Variants in TASOR2 observed in about 807,000 individuals in gnomAD.
TASOR2 encodes the protein transcription activation suppressor family member 2, also known as protein TASOR 2.
TASOR2 carries 84 observed loss-of-function variants against 199.5 expected under a neutral mutation model. The observed-to-expected ratio is 0.42, with a 90% CI of 0.35 to 0.50. TASOR2 has a LOEUF of 0.50. Among genes scored for constraint, TASOR2 ranks in the 20% least tolerant of loss-of-function variants. The pLI, the probability that TASOR2 is intolerant of heterozygous loss-of-function variation, is 0.02. For synonymous variants in TASOR2, 1,103 were observed against 1,046.6 expected (o/e 1.05, Z -1.04); for missense variants, 2,796 against 2,835.9 (o/e 0.99, Z 0.32).
exon 15 of TASOR2, chr10:5,747,565 G>A: frequency 3.7e-6 from 6 of 1,614,184 alleles, no homozygotes; most frequent in Non-Finnish European, 5.1e-6. Context: ...TGAGATTGCA[G>A]AGGAAATTAA....
In TASOR2 at chr10:5,740,074, C is replaced by T. The variant is rs760335710; in HGVS notation, c.1904C>T (p.Thr635Ile). The stretch of plus-strand genomic sequence containing the variant: ...CCTGCTAAAGCCCAGTCAGCACTTA[C>T]TGAGGAAATGCTAGAATCTTCAGAT... The change falls in exon 13 of 21, where the codon ACT (threonine) becomes ATT (isoleucine). Residue 635 changes from threonine to isoleucine, a missense_variant. Transcript: ENST00000328090. The surrounding 1 kb of genome is among the most constrained non-coding windows in gnomAD (Gnocchi z 5.3). 2 of 1,614,058 alleles carry T rather than the reference C, an allele frequency of 1.2e-6. No homozygotes were observed. Among genetic ancestry groups the T allele is most frequent in the South Asian group, 2.2e-5 (2 of 91,080 alleles).
exon 11 of TASOR2, chr10:5,731,013 A>C (rs768932510): frequency 6.2e-6 from 10 of 1,614,012 alleles, no homozygotes; most frequent in Non-Finnish European, 7.6e-6. Context: ...GAGTTTTTCC[A>C]TTGAGTCCAG....
In TASOR2 at chr10:5,762,528, A is replaced by AAAGACAAGCCTACTATCCC; in HGVS notation, c.7175-4_7175-3insAAGACAAGCCTACTATCCC. The AAAGACAAGCCTACTATCCC allele has an allele frequency of 1.7e-6, 1 of 590,352 alleles. No individual in the cohort carries two copies. Among genetic ancestry groups the AAAGACAAGCCTACTATCCC allele is most frequent in the Non-Finnish European group, 2.5e-6 (1 of 401,802 alleles). The allele number at this position is 590,352 out of a possible 1,614,324, so 36.6% of individuals were successfully genotyped here. A position where few individuals can be genotyped will look rare whatever the true frequency, so the allele number is the denominator to read the frequency against. ...CAAAAGTTGTTTTTTTTTTTTTTTA[A>AAAGACAAGCCTACTATCCC]CAGACAAGCCTACTATCCCCAGAGA... On this transcript the variant is annotated splice_region_variant and splice_polypyrimidine_tract_variant and intron_variant, in intron 19 of 20. Coordinates refer to ENST00000328090, the Ensembl canonical transcript of TASOR2.
rs963776899 is a variant in TASOR2, at chr10:5,722,153, G to A, written c.146+1183G>A. On this transcript the variant is annotated intron_variant, in intron 6 of 20. Transcript: ENST00000328090. The surrounding 1 kb of genome is among the most constrained non-coding windows in gnomAD (Gnocchi z 4.0). ...TGATTTTGCTTATTGCTTTGGGGTT[G>A]TATAAGAAAATTTGCTAGGGGCCAG... 6.6e-6 allele frequency among the ~76,000 whole-genome samples: 1 copy of A among 152,120 alleles called. No individual in the cohort carries two copies. Among genetic ancestry groups the A allele is most frequent in the Non-Finnish European group, 1.5e-5 (1 of 68,006 alleles).
chr10:5,733,585 T>A (rs1168057468), intron 11 of TASOR2, among the ~76,000 whole-genome samples: 1 of 152,220 alleles, frequency 6.6e-6, no homozygotes, highest in Non-Finnish European at 1.5e-5. Context: ...TTGAGAAGCA[T>A]GGTATTGAAT....
intron 15 of TASOR2, among the ~76,000 whole-genome samples, chr10:5,753,901 C>G (rs902920181): frequency 2.6e-5 from 4 of 152,206 alleles, no homozygotes; most frequent in African/African-American, 9.7e-5. Flanking sequence ...TATACATCCT[C>G]TACCCTGACA....
At position 5,685,528 on chromosome 10, in the gene TASOR2, C is replaced by T. The variant is rs1835713644; in HGVS notation, c.-288+353C>T. On this transcript the variant is annotated intron_variant, in intron 1 of 20. Transcript: ENST00000328090. The surrounding 1 kb of genome is among the most constrained non-coding windows in gnomAD (Gnocchi z 5.4). The stretch of plus-strand genomic sequence containing the variant: ...GCTGAAGTTTCCGTCTTCGGGTTTG[C>T]ACCGGCTGGGAAATCATTTCCTGCG... Among the ~76,000 whole-genome samples the T allele has an allele frequency of 6.6e-6, 1 of 152,202 alleles. No homozygotes were observed. The highest frequency in any genetic ancestry group is 1.5e-5 in the Non-Finnish European group (1 of 68,036).
At chr10:5,697,292 C>CCTT (rs34015746) in intron 1 of TASOR2, among the ~76,000 whole-genome samples, 138,939 of 152,132 alleles carry the variant, frequency 0.91, 63,767 homozygotes, top group Non-Finnish European at 0.96. Flanking sequence ...AAAAAGGAAA[C>CCTT]CTTAACTTTA....
intron 19 of TASOR2, among the ~76,000 whole-genome samples, chr10:5,762,012 C>G (rs190190059): frequency 3.9e-5 from 6 of 152,102 alleles, no homozygotes; most frequent in Non-Finnish European, 8.8e-5. Context: ...GACAGTGGCT[C>G]ACGCCTGTAA....
rs1404762647 is a variant in TASOR2 at position 5,752,741 on chromosome 10, T to C, written c.6606+2714T>C. ...CTTGGTCTGCCCTGCTCTTCTCATA[T>C]GGAGGTGTGTAGCTGGCAAACACCA... On this transcript the variant is annotated intron_variant, in intron 15 of 20. Coordinates refer to ENST00000328090, the Ensembl canonical transcript of TASOR2. The surrounding 1 kb of genome is among the most constrained non-coding windows in gnomAD (Gnocchi z 4.4). 2.0e-5 allele frequency among the ~76,000 whole-genome samples: 3 copies of C among 152,206 alleles called. No individual in the cohort carries two copies. The highest frequency in any genetic ancestry group is 4.1e-4 in the South Asian group (2 of 4,832).
rs1395937112 is a variant in TASOR2 at position 5,750,382 on chromosome 10, A to AG, written c.6606+357dup. ...TGTCCGTTAGTGTGGGTGGTCAAGT[A>AG]GGACCTCTTTTGGTTTTGGATATAT... On this transcript the variant is annotated intron_variant, in intron 15 of 20. Coordinates refer to ENST00000328090, the Ensembl canonical transcript of TASOR2. The surrounding 1 kb of genome is among the most constrained non-coding windows in gnomAD (Gnocchi z 5.4). Among the ~76,000 whole-genome samples, 1 of 152,242 alleles carries AG rather than the reference A, an allele frequency of 6.6e-6. No individual in the cohort carries two copies. The highest frequency in any genetic ancestry group is 1.5e-5 in the Non-Finnish European group (1 of 68,034).
At chr10:5,717,869 AG>A (rs1832850428) in intron 3 of TASOR2, 119 bp downstream of exon 4, 2 of 406,980 alleles carry the variant, frequency 4.9e-6, no homozygotes. Context: ...ATCCAAATTC[AG>A]GAAAAGCAAA....
At position 5,730,381 on chromosome 10, in the gene TASOR2, CAT is replaced by C; in HGVS notation, c.488-103_488-102del. On this transcript the variant is annotated intron_variant, in intron 10 of 20. Transcript: ENST00000328090. The surrounding 1 kb of genome is among the most constrained non-coding windows in gnomAD (Gnocchi z 4.1). ...TAGGTTGTCATTTGAAATACTATAA[CAT>C]ATTTAACCATCACATAATTTTGAAA... The C allele has an allele frequency of 1.2e-6, 1 of 817,496 alleles. No homozygotes were observed. Among genetic ancestry groups the C allele is most frequent in the Non-Finnish European group, 1.9e-6 (1 of 532,398 alleles). The allele number at this position is 817,496 out of a possible 1,614,324, so 50.6% of individuals were successfully genotyped here. A position where few individuals can be genotyped will look rare whatever the true frequency, so the allele number is the denominator to read the frequency against.
rs1178294862 is a variant in TASOR2 at position 5,722,585 on chromosome 10, A to T, written c.147-1092A>T. The stretch of plus-strand genomic sequence containing the variant: ...AAATAATGCGTGTGTATAGAGAGAG[A>T]GAATGACAAAGCAAACATGGTATAC... On this transcript the variant is annotated intron_variant, in intron 6 of 20. Coordinates refer to ENST00000328090, the Ensembl canonical transcript of TASOR2. This position sits in a 1 kb window ranked among gnomAD's most constrained non-coding sequence, Gnocchi z 4.0. 6.6e-6 allele frequency among the ~76,000 whole-genome samples: 1 copy of T among 152,208 alleles called. No homozygotes were observed. Among genetic ancestry groups the T allele is most frequent in the Non-Finnish European group, 1.5e-5 (1 of 68,032 alleles).
exon 15 of TASOR2, chr10:5,746,364 C>T (rs1480619676): frequency 3.7e-6 from 6 of 1,614,084 alleles, no homozygotes; most frequent in South Asian, 1.1e-5. Flanking sequence ...CCAGGACTTA[C>T]GATGGGCCTG....
At chr10:5,695,877 G>A (rs184797374) in intron 1 of TASOR2, among the ~76,000 whole-genome samples, 1 of 152,250 alleles carries the variant, frequency 6.6e-6, no homozygotes, top group African/African-American at 2.4e-5. Context: ...GGGGTATCAA[G>A]TACAGGACTT....
chr10:5,747,334 C>A, exon 15 of TASOR2: 1 of 1,614,046 alleles, frequency 6.2e-7, no homozygotes, highest in Non-Finnish European at 8.5e-7. Context: ...TGAAATAGAG[C>A]AATTTGAGGA....
intron 15 of TASOR2, among the ~76,000 whole-genome samples, chr10:5,753,813 C>G (rs1013386329): frequency 2.6e-5 from 4 of 152,200 alleles, no homozygotes; most frequent in Non-Finnish European, 5.9e-5. Context: ...GGAAGGCCCT[C>G]AGCCTCCAAA....
Position 5,717,708 on chromosome 10 carries a change from TC to T in TASOR2, c.-141del. 1 of 1,225,222 alleles carries T rather than the reference TC, an allele frequency of 8.2e-7. No homozygotes were observed. Among genetic ancestry groups the T allele is most frequent in the Non-Finnish European group, 1.0e-6 (1 of 981,704 alleles). The allele number at this position is 1,225,222 out of a possible 1,614,324, so 75.9% of individuals were successfully genotyped here. A position where few individuals can be genotyped will look rare whatever the true frequency, so the allele number is the denominator to read the frequency against. ...ACTGTCTTCATTCAAGACCATGGTATCATGGGAAATCTGGTTATGTTGTAAT... is the reference window on the plus strand; with the variant it reads ...ACTGTCTTCATTCAAGACCATGGTATATGGGAAATCTGGTTATGTTGTAAT... On this transcript the variant is annotated 5_prime_UTR_variant, in exon 3 of 21. An upstream open reading frame in the 5' UTR loses its in-frame stop. Transcript: ENST00000328090.
Sources: allele counts gnomAD v4.1 joint callset (sites outside exome capture counted in the v4.1 genomes callset), GRCh38; gene constraint gnomAD v4.1.1; non-coding constraint Gnocchi (gnomAD v3.1); transcripts MANE v1.5; gene names NCBI Gene and HGNC (gene_info 2026-07-23, HGNC 2026-07-21).